The following STYXL1 variants were observed in gnomAD, a reference collection of about 807,000 sequenced individuals.
The protein encoded by STYXL1 is serine/threonine/tyrosine interacting like 1.
STYXL1 carries 32 observed loss-of-function variants against 36.4 expected under a neutral mutation model. That is an observed-to-expected ratio of 0.88 (90% CI 0.66 to 1.18). The LOEUF (loss-of-function observed/expected upper bound fraction) is 1.18. Ranked by LOEUF, STYXL1 falls within the 50% of genes most tolerant of loss-of-function variation. The probability of loss-of-function intolerance (pLI) is 0.00; values close to 1 mark genes in which losing one functional copy is unlikely to be tolerated. For missense variants in STYXL1, 354 were observed against 394.1 expected (o/e 0.90, Z 0.86); for synonymous variants, 133 against 144.1 (o/e 0.92, Z 0.55).
chr7:76,046,274 CTGTGTGTGTGTGTG>C (rs782245806), intron 1 of STYXL1, among the ~76,000 whole-genome samples: 1,187 of 102,600 alleles, frequency 0.012, 17 homozygotes, highest in African/African-American at 0.03. Context: ...AGCTTATCTG[CTGTGTGTGTGTGTG>C]TGTGTGTGTG....
rs1392364534 is a variant in STYXL1 at position 76,002,778 on chromosome 7, G to A, written c.697+980C>T. On this transcript the variant is annotated intron_variant, in intron 7 of 8. Transcript: ENST00000359697. Reference sequence around the variant, plus strand: ...ATCTTTACTAAAAATGCAAAAATTAGTTGGACGTGGTGGTGCATGCCTGTA... The same window carrying A: ...ATCTTTACTAAAAATGCAAAAATTAATTGGACGTGGTGGTGCATGCCTGTA... 4.6e-5 allele frequency among the ~76,000 whole-genome samples: 7 copies of A among 152,242 alleles called. No individual in the cohort carries two copies. The South Asian group carries it at 1.5e-3, about 32-fold the overall frequency.
At chr7:76,000,267 C>T (rs973967360) in intron 8 of STYXL1, among the ~76,000 whole-genome samples, 1 of 151,330 alleles carries the variant, frequency 6.6e-6, no homozygotes, top group Admixed American at 6.6e-5. Flanking sequence ...TACAACTTCA[C>T]CCCCAAAGTG....
rs190226113 is a variant in STYXL1, at chr7:76,004,143, G to A, written c.600-288C>T. Among the ~76,000 whole-genome samples, 369 of 152,196 alleles carry A rather than the reference G, an allele frequency of 2.4e-3. 1 individual carries two copies. The highest frequency in any genetic ancestry group is 3.8e-3 in the Non-Finnish European group (257 of 68,004). On this transcript the variant is annotated intron_variant, in intron 6 of 8. Transcript: ENST00000359697. ...GATTCCCGCTCTGTTGCCCAGGCTG[G>A]AGTGCAGTGGCACGATCTCGGCTCA...
rs543469968 is a variant in STYXL1 at position 76,014,910 on chromosome 7, C to CCA, written c.308-1025_308-1024dup. On this transcript the variant is annotated intron_variant, in intron 4 of 8. Coordinates refer to ENST00000359697, the MANE Select transcript of STYXL1 (RefSeq NM_001317785.2). ...CAAAATAGATAACCCAGAAATAAAG[C>CCA]CACACACCTATAACCATCTGATCTT... is the stretch of plus-strand genomic sequence containing the variant. 1.3e-3 allele frequency among the ~76,000 whole-genome samples: 204 copies of CCA among 152,110 alleles called. 9 individuals are homozygous for CCA. The South Asian group carries it at 0.038, about 28-fold the overall frequency.
At chr7:76,023,700 C>T (rs546374297) in intron 3 of STYXL1, among the ~76,000 whole-genome samples, 1 of 152,104 alleles carries the variant, frequency 6.6e-6, no homozygotes, top group South Asian at 2.1e-4. Context: ...GCGCTCCAGC[C>T]TGGGTGACAG....
intron 2 of STYXL1, among the ~76,000 whole-genome samples, chr7:76,029,251 A>G (rs1795063973): frequency 6.6e-6 from 1 of 151,894 alleles, no homozygotes; most frequent in Admixed American, 6.6e-5. Flanking sequence ...GGTTCAAGCG[A>G]TTTTCCTGCC....
intron 1 of STYXL1, among the ~76,000 whole-genome samples, chr7:76,032,999 G>A (rs1795535891): frequency 6.6e-6 from 1 of 152,088 alleles, no homozygotes; most frequent in Non-Finnish European, 1.5e-5. Flanking sequence ...TAAGGATCCC[G>A]ACAGTCATTG....
At chr7:76,013,046 C>T (rs1221886762) in intron 5 of STYXL1, among the ~76,000 whole-genome samples, 4 of 152,148 alleles carry the variant, frequency 2.6e-5, no homozygotes, top group African/African-American at 4.8e-5. Flanking sequence ...GAACTGTGGC[C>T]GGGCAGGATG....
At chr7:76,018,259 C>G (rs1554574640) in intron 4 of STYXL1, among the ~76,000 whole-genome samples, 1 of 152,166 alleles carries the variant, frequency 6.6e-6, no homozygotes, top group African/African-American at 2.4e-5. Flanking sequence ...TCCACTTAAC[C>G]ACTCATTTCT....
At chr7:76,024,889 C>T (rs1433095218) in intron 3 of STYXL1, among the ~76,000 whole-genome samples, 1 of 136,462 alleles carries the variant, frequency 7.3e-6, no homozygotes, top group African/African-American at 2.9e-5. Context: ...GCGGAGGTTG[C>T]AGTGAGCCAA....
At chr7:76,026,389 C>T (rs1168296727) in intron 3 of STYXL1, among the ~76,000 whole-genome samples, 3 of 151,674 alleles carry the variant, frequency 2.0e-5, no homozygotes, top group Non-Finnish European at 2.9e-5. Context: ...AAGTGATCCT[C>T]CCATCTCGGC....
intron 3 of STYXL1, among the ~76,000 whole-genome samples, chr7:76,022,592 G>C (rs1554576566): frequency 6.6e-6 from 1 of 152,194 alleles, no homozygotes; most frequent in African/African-American, 2.4e-5. Context: ...TTGAGCCCAG[G>C]AGGCGGAGGC....
intron 1 of STYXL1, among the ~76,000 whole-genome samples, chr7:76,036,212 C>T (rs1300927565): frequency 1.3e-5 from 2 of 150,008 alleles, no homozygotes; most frequent in African/African-American, 2.4e-5. Flanking sequence ...GTGATTCTCT[C>T]ACCTCAGCTT....
At chr7:76,041,918 G>T (rs1463301791) in intron 1 of STYXL1, among the ~76,000 whole-genome samples, 1 of 152,148 alleles carries the variant, frequency 6.6e-6, no homozygotes, top group African/African-American at 2.4e-5. Flanking sequence ...GTTTGTTTTG[G>T]GTGGTTGTTA....
intron 8 of STYXL1, among the ~76,000 whole-genome samples, chr7:76,000,296 G>A (rs991917378): frequency 2.0e-5 from 3 of 149,138 alleles, no homozygotes; most frequent in Admixed American, 6.7e-5. Flanking sequence ...GGCAACAACC[G>A]AAGCCACTGG....
intron 7 of STYXL1, among the ~76,000 whole-genome samples, chr7:76,003,262 C>T (rs1791217473): frequency 6.6e-6 from 1 of 152,190 alleles, no homozygotes; most frequent in African/African-American, 2.4e-5. Context: ...ATAGCAAGAC[C>T]CCAACTCCAC....
At chr7:76,039,303 T>C (rs1796253098) in intron 1 of STYXL1, among the ~76,000 whole-genome samples, 1 of 139,868 alleles carries the variant, frequency 7.1e-6, no homozygotes, top group Non-Finnish European at 1.5e-5. Flanking sequence ...TTCGAACTCC[T>C]GGGCTCAAGT....
chr7:76,003,178 A>G (rs1453634289), intron 7 of STYXL1, among the ~76,000 whole-genome samples: 1 of 151,800 alleles, frequency 6.6e-6, no homozygotes, highest in Non-Finnish European at 1.5e-5. Flanking sequence ...GCTCATGCCT[A>G]TAATCCCAGC....
intron 1 of STYXL1, chr7:76,046,085 T>TC (rs1312421037): frequency 6.6e-6 from 1 of 152,252 alleles, no homozygotes; most frequent in African/African-American, 2.4e-5. Context: ...GCTTATTTTT[T>TC]CCCGCTAGGA....
Sources: gnomAD v4.1 joint callset for allele counts (sites outside exome capture counted in the v4.1 genomes callset) on GRCh38, gnomAD v4.1.1 for gene constraint, MANE v1.5 for transcripts, NCBI Gene and HGNC (gene_info 2026-07-23, HGNC 2026-07-21) for gene names.